Variants in AKIRIN2 observed in about 807,000 individuals in gnomAD.
The protein encoded by AKIRIN2 is akirin-2.
A neutral mutation model predicts 29.3 loss-of-function variants in AKIRIN2; 6 were observed. The ratio of observed to expected loss-of-function variants is 0.20; its 90% confidence interval spans 0.11 to 0.40. AKIRIN2 has a LOEUF of 0.40. AKIRIN2 is among the 10% of genes least tolerant of loss of function. AKIRIN2 has a pLI of 1.00. For synonymous variants in AKIRIN2, 128 were observed against 117.5 expected, an observed-to-expected ratio of 1.09 and a Z score of -0.58; for missense variants, 210 against 276.1, an observed-to-expected ratio of 0.76 and a Z score of 1.70.
At chr6:87,684,778 T>A (rs180855406) in intron 1 of AKIRIN2, among the ~76,000 whole-genome samples, 304 of 152,348 alleles carry the variant, frequency 2.0e-3, no homozygotes, top group African/African-American at 6.9e-3. Context: ...TTTCTCCTGT[T>A]AATGGACATT....
intron 1 of AKIRIN2, among the ~76,000 whole-genome samples, chr6:87,693,355 A>G (rs2128302536): frequency 6.6e-6 from 1 of 152,346 alleles, no homozygotes; most frequent in South Asian, 2.1e-4. Context: ...AAATGTATAT[A>G]AGGGATGCTT....
Position 87,675,896 on chromosome 6 carries a change from G to T in AKIRIN2, c.565C>A (p.Gln189Lys). Residue 189 changes from glutamine (Q) to lysine (K), a missense_variant, in exon 4 of 5, where the codon CAA becomes AAA. Physicochemically the swap from Gln to Lys is moderately conservative, Grantham distance 53. Around this residue, in one of 2 missense-constraint regions of AKIRIN2, gnomAD observed 11 missense variants for 39.6 expected, o/e 0.28. Transcript: ENST00000257787. ...YDAFVKFTHD[Q>K]IMRRYGEQPA... ...TGTTCTCCATATCGTCGCATTATTT[G>T]ATCATGCGTAAACTTCACAAACGCA... 6.2e-7 allele frequency: 1 copy of T among 1,613,720 alleles called. No individual in the cohort carries two copies. Among genetic ancestry groups the T allele is most frequent in the South Asian group, 1.1e-5 (1 of 90,920 alleles).
intron 1 of AKIRIN2, chr6:87,700,616 G>GT (rs767104110): frequency 1.3e-5 from 2 of 152,204 alleles, no homozygotes; most frequent in Non-Finnish European, 2.9e-5. Flanking sequence ...GCAAAAGTCT[G>GT]AAGTCCCTTG....
intron 2 of AKIRIN2, among the ~76,000 whole-genome samples, chr6:87,678,983 A>G (rs1771072789): frequency 6.6e-6 from 1 of 152,050 alleles, no homozygotes; most frequent in South Asian, 2.1e-4. Context: ...TAAAAATACA[A>G]AATTAGCCAG....
intron 1 of AKIRIN2, among the ~76,000 whole-genome samples, chr6:87,698,461 C>G (rs117560534): frequency 0.05 from 7,537 of 151,628 alleles, 255 homozygotes; most frequent in Non-Finnish European, 0.073. Context: ...ATAATTCTCA[C>G]GTGTCACAAA....
In AKIRIN2 at chr6:87,701,394, G is replaced by A; in HGVS notation, c.235+56C>T. ...CCCAGGGGCCGCATCCCACACCCCA[G>A]GACCCCTGTTCCCAGTTCTCTCCAC... On this transcript the variant is annotated intron_variant, in intron 1 of 4. Transcript: ENST00000257787. The A allele has an allele frequency of 5.3e-6, 8 of 1,515,644 alleles. No homozygotes were observed. In the South Asian group the frequency reaches 7.2e-5, roughly 14 times the overall value. 93.9% of individuals were successfully genotyped at this position (1,515,644 alleles called of 1,614,324 possible). A position where few individuals can be genotyped will look rare whatever the true frequency, so the allele number is the denominator to read the frequency against.
intron 1 of AKIRIN2, among the ~76,000 whole-genome samples, chr6:87,689,072 A>G (rs751574801): frequency 3.9e-5 from 6 of 152,216 alleles, no homozygotes; most frequent in East Asian, 1.9e-4. Context: ...TAAATATTAT[A>G]TAAGTATAAA....
At chr6:87,697,646 A>G (rs1023632695) in intron 1 of AKIRIN2, among the ~76,000 whole-genome samples, 1 of 152,204 alleles carries the variant, frequency 6.6e-6, no homozygotes, top group African/African-American at 2.4e-5. Context: ...AACCATTTAT[A>G]TTTCATTGAA....
chr6:87,699,450 G>C (rs1352555401), intron 1 of AKIRIN2, among the ~76,000 whole-genome samples: 2 of 20,632 alleles, frequency 9.7e-5, no homozygotes, highest in Non-Finnish European at 7.1e-5. Context: ...ATTCAAATTA[G>C]TTTGGAAATA....
At chr6:87,681,362 A>T (rs1248485819) in intron 2 of AKIRIN2, among the ~76,000 whole-genome samples, 1 of 152,174 alleles carries the variant, frequency 6.6e-6, no homozygotes, top group Non-Finnish European at 1.5e-5. Context: ...TTTTTTTAAT[A>T]AAGGCTACAA....
At chr6:87,694,768 C>A (rs1475763846) in intron 1 of AKIRIN2, among the ~76,000 whole-genome samples, 3 of 152,194 alleles carry the variant, frequency 2.0e-5, no homozygotes, top group African/African-American at 7.2e-5. Flanking sequence ...GAGCTGCTTT[C>A]TTAGTGCTAG....
chr6:87,691,222 C>G (rs968334546), intron 1 of AKIRIN2, among the ~76,000 whole-genome samples: 1 of 151,826 alleles, frequency 6.6e-6, no homozygotes, highest in African/African-American at 2.4e-5. Flanking sequence ...GTGGGCAGAT[C>G]ACTTGAGGCT....
rs1373682068 is a variant in AKIRIN2, at chr6:87,701,685, G to A, written c.-1C>T. Reference sequence around the variant, plus strand: ...TTTTCAGAGTGGCTCCGCACGCCATGGCCGGGGGCAGCTGAGGCGCCGGGC... The same window carrying A: ...TTTTCAGAGTGGCTCCGCACGCCATAGCCGGGGGCAGCTGAGGCGCCGGGC... On this transcript the variant is annotated 5_prime_UTR_variant, in exon 1 of 5. Coordinates refer to ENST00000257787, the MANE Select transcript of AKIRIN2 (RefSeq NM_018064.4). The A allele has an allele frequency of 1.5e-5, 21 of 1,447,952 alleles. No individual in the cohort carries two copies. The highest frequency in any genetic ancestry group is 1.7e-5 in the Non-Finnish European group (19 of 1,103,540). 89.7% of individuals were successfully genotyped at this position (1,447,952 alleles called of 1,614,324 possible).
intron 1 of AKIRIN2, among the ~76,000 whole-genome samples, chr6:87,700,111 A>G (rs529378077): frequency 3.3e-5 from 5 of 152,306 alleles, no homozygotes; most frequent in Admixed American, 1.3e-4. Flanking sequence ...CAGTTTAGTA[A>G]GGTCATTAAA....
At position 87,681,638 on chromosome 6, in the gene AKIRIN2, T is replaced by G. The variant is rs746073678; in HGVS notation, c.361A>C (p.Ser121Arg). 5.0e-6 allele frequency: 8 copies of G among 1,608,674 alleles called. No homozygotes were observed. The highest frequency in any genetic ancestry group is 1.1e-5 in the South Asian group (1 of 89,350). The change falls in exon 2 of 5, where the codon AGT becomes CGT. Residue 121 changes from serine (S) to arginine (R), a missense_variant. By Grantham distance (110) the Ser-to-Arg change is moderately radical (BLOSUM62 -1). This residue lies in a region of AKIRIN2 where 199 missense variants were observed against 236.5 expected (regional missense o/e 0.84). Coordinates refer to ENST00000257787, the MANE Select transcript of AKIRIN2 (RefSeq NM_018064.4). ...SDAQPHAFLL[S>R]GPASPGTSSA... is the part of the protein sequence containing the mutation. ...TTATTACCTGGTGAAGCTGGTCCAC[T>G]GAGGAGAAATGCATGTGGCTGTGCA...
intron 3 of AKIRIN2, among the ~76,000 whole-genome samples, chr6:87,677,385 A>T (rs1356370972): frequency 6.6e-6 from 1 of 152,224 alleles, no homozygotes; most frequent in Non-Finnish European, 1.5e-5. Context: ...TACATAATAA[A>T]TTTTATTTAC....
rs944529518 is a variant in AKIRIN2 at position 87,684,715 on chromosome 6, T to G, written c.236-2952A>C. ...ATGTTGCATGAATCAGAAATTCCTT[T>G]TTATTGGTGAGTATTCCATCATATG... On this transcript the variant is annotated intron_variant, in intron 1 of 4. Transcript: ENST00000257787. 2.0e-5 allele frequency among the ~76,000 whole-genome samples: 3 copies of G among 152,232 alleles called. No individual in the cohort carries two copies. In the South Asian group the frequency reaches 6.2e-4, roughly 31 times the overall value.
At position 87,702,054 on chromosome 6, in the gene AKIRIN2, G is replaced by A. The variant is rs540448499; in HGVS notation, c.-370C>T. 35 of 400,150 alleles carry A rather than the reference G, an allele frequency of 8.7e-5. No individual in the cohort carries two copies. The highest frequency in any genetic ancestry group is 1.2e-4 in the Non-Finnish European group (28 of 226,750). The allele number at this position is 400,150 out of a possible 1,614,324, so 24.8% of individuals were successfully genotyped here. The stretch of plus-strand genomic sequence containing the variant: ...CTGAGGCGCTTCTGTGCTGAGACTA[G>A]ATCCTTTCTGAAGTCGAAAACAGCA... On this transcript the variant is annotated 5_prime_UTR_variant, in exon 1 of 5. Transcript: ENST00000257787.
At chr6:87,688,674 CG>C (rs1202638477) in intron 1 of AKIRIN2, among the ~76,000 whole-genome samples, 2 of 151,892 alleles carry the variant, frequency 1.3e-5, no homozygotes, top group Admixed American at 6.6e-5. Context: ...CACTTGAACC[CG>C]GGGGGAGGTG....
Sources: allele counts gnomAD v4.1 joint callset (sites outside exome capture counted in the v4.1 genomes callset), GRCh38; gene constraint gnomAD v4.1.1; regional missense constraint gnomAD v4.1.1; transcripts MANE v1.5; gene names NCBI Gene and HGNC (gene_info 2026-07-23, HGNC 2026-07-21).